WWOX: variants seen among roughly 807,000 people sequenced by gnomAD.
WWOX encodes the protein WW domain-containing oxidoreductase.
A neutral mutation model predicts 46.2 loss-of-function variants in WWOX; 69 were observed. The ratio of observed to expected loss-of-function variants is 1.49; its 90% CI spans 1.23 to 1.82. The LOEUF is 1.82. Among genes scored for constraint, WWOX ranks in the 40% most tolerant of loss-of-function variants. The probability of loss-of-function intolerance (pLI) is 0.00; values close to 1 mark genes in which losing one functional copy is unlikely to be tolerated. For synonymous variants in WWOX, 359 were observed against 202.6 expected, an observed-to-expected ratio of 1.77 and a Z score of -6.56; for missense variants, 919 against 542.6, an observed-to-expected ratio of 1.69 and a Z score of -6.89.
At chr16:78,381,718 CTT>C (rs1227432162) in intron 5 of WWOX, among the ~76,000 whole-genome samples, 4 of 152,092 alleles carry the variant, frequency 2.6e-5, no homozygotes, top group Admixed American at 6.5e-5. Context: ...CTCAGAACCT[CTT>C]TTGGTTAAAC....
chr16:78,718,767 T>C (rs551988078), intron 8 of WWOX, among the ~76,000 whole-genome samples: 1 of 152,246 alleles, frequency 6.6e-6, no homozygotes, highest in Non-Finnish European at 1.5e-5. Context: ...AGTATTCATT[T>C]AGGTGACACA....
intron 5 of WWOX, among the ~76,000 whole-genome samples, chr16:78,239,046 G>T (rs745531995): frequency 6.6e-6 from 1 of 152,150 alleles, no homozygotes; most frequent in Non-Finnish European, 1.5e-5. Flanking sequence ...CTGATTCCAG[G>T]ATGCTCTAAC....
intron 8 of WWOX, among the ~76,000 whole-genome samples, chr16:78,682,452 G>A (rs367800148): frequency 5.3e-5 from 8 of 152,190 alleles, no homozygotes; most frequent in East Asian, 1.9e-4. Context: ...TGGTGGTGGC[G>A]TGTACCTGTA....
At chr16:78,774,659 G>A (rs1438524793) in intron 8 of WWOX, among the ~76,000 whole-genome samples, 1 of 151,814 alleles carries the variant, frequency 6.6e-6, no homozygotes, top group African/African-American at 2.4e-5. Context: ...CAGGCTCCGG[G>A]CAGTTCCTTG....
chr16:78,238,793 A>G (rs960447692), intron 5 of WWOX, among the ~76,000 whole-genome samples: 8 of 151,664 alleles, frequency 5.3e-5, no homozygotes, highest in Middle Eastern at 3.4e-3. Flanking sequence ...CTAATTTTGT[A>G]TTTTTAGTAG....
At chr16:78,996,551 TGTG>T (rs1417491932) in intron 8 of WWOX, among the ~76,000 whole-genome samples, 1 of 152,036 alleles carries the variant, frequency 6.6e-6, no homozygotes, top group Non-Finnish European at 1.5e-5. Context: ...TCCTAACTAA[TGTG>T]GGAGAGAAGA....
At chr16:78,480,215 A>C (rs956732982) in intron 8 of WWOX, among the ~76,000 whole-genome samples, 1 of 152,210 alleles carries the variant, frequency 6.6e-6, no homozygotes, top group Non-Finnish European at 1.5e-5. Flanking sequence ...CAGTAGCCAG[A>C]TGTGGTTATT....
intron 1 of WWOX, among the ~76,000 whole-genome samples, chr16:78,106,779 C>T (rs985259654): frequency 4.6e-5 from 7 of 152,040 alleles, no homozygotes; most frequent in African/African-American, 1.7e-4. Flanking sequence ...AGGAGTTTGT[C>T]CTTGCTACTG....
At chr16:78,906,347 G>A (rs76187751) in intron 8 of WWOX, among the ~76,000 whole-genome samples, 6,448 of 152,234 alleles carry the variant, frequency 0.042, 262 homozygotes, top group Admixed American at 0.092. Context: ...AAGAAAGCCC[G>A]GCTGGAAGTG....
At chr16:78,226,629 C>G (rs1474435386) in intron 5 of WWOX, among the ~76,000 whole-genome samples, 1 of 151,666 alleles carries the variant, frequency 6.6e-6, no homozygotes, top group Non-Finnish European at 1.5e-5. Flanking sequence ...TAGCTCAGGT[C>G]TCACTGCTTT....
Position 78,634,534 on chromosome 16 carries a change from C to T in WWOX, c.1056+201782C>T, listed in dbSNP as rs550023353. Among the ~76,000 whole-genome samples the T allele has an allele frequency of 4.3e-4, 65 of 151,860 alleles. 1 individual carries two copies. Among genetic ancestry groups the T allele is most frequent in the Admixed American group, 2.3e-3 (35 of 15,260 alleles). On this transcript the variant is annotated intron_variant, in intron 8 of 8. Coordinates refer to ENST00000566780, the MANE Select transcript of WWOX (RefSeq NM_016373.4). ...CAGCCTGGCCAACATGGTGAAACCC[C>T]GTCTCTACTAAAAATACAAAAATTA...
At chr16:78,880,111 A>C (rs544146582) in intron 8 of WWOX, among the ~76,000 whole-genome samples, 3 of 152,190 alleles carry the variant, frequency 2.0e-5, no homozygotes, top group Non-Finnish European at 4.4e-5. Context: ...TACATTTGTG[A>C]ATAAGAAAAC....
At chr16:78,814,303 C>G (rs558258303) in intron 8 of WWOX, among the ~76,000 whole-genome samples, 2 of 152,078 alleles carry the variant, frequency 1.3e-5, no homozygotes, top group Non-Finnish European at 2.9e-5. Flanking sequence ...TTTTATCCTC[C>G]TGGTGAAGTA....
intron 8 of WWOX, among the ~76,000 whole-genome samples, chr16:78,833,858 G>A (rs148278670): frequency 4.6e-4 from 70 of 152,354 alleles, no homozygotes; most frequent in Admixed American, 2.0e-3. Flanking sequence ...TGGCTCATGC[G>A]TTTCATGCCT....
intron 8 of WWOX, among the ~76,000 whole-genome samples, chr16:78,990,391 C>G (rs62036057): frequency 1.3e-5 from 2 of 152,062 alleles, no homozygotes; most frequent in East Asian, 1.9e-4. Flanking sequence ...CAACTGTTCT[C>G]TGCACGACCT....
intron 8 of WWOX, chr16:78,898,332 A>G (rs2044748883): frequency 6.6e-6 from 1 of 152,108 alleles, no homozygotes; most frequent in Non-Finnish European, 1.5e-5. Context: ...GTGTGAGGTA[A>G]TGGTAGAGGT....
chr16:79,019,982 C>G (rs1318323579), intron 8 of WWOX, among the ~76,000 whole-genome samples: 3 of 152,224 alleles, frequency 2.0e-5, no homozygotes, highest in Non-Finnish European at 4.4e-5. Flanking sequence ...TCTCACTTCT[C>G]TACTAATCCC....
chr16:79,073,338 C>G (rs914179849), intron 8 of WWOX, among the ~76,000 whole-genome samples: 10 of 152,018 alleles, frequency 6.6e-5, no homozygotes, highest in African/African-American at 2.4e-4. Context: ...CGCCGCCATG[C>G]CCGGCTACTT....
At chr16:79,165,010 T>G (rs765965493) in intron 8 of WWOX, among the ~76,000 whole-genome samples, 1 of 152,164 alleles carries the variant, frequency 6.6e-6, no homozygotes, top group African/African-American at 2.4e-5. Flanking sequence ...CACACCCTTA[T>G]GTATAGACTT....
Sources: gnomAD v4.1 joint callset for allele counts (sites outside exome capture counted in the v4.1 genomes callset) on GRCh38, gnomAD v4.1.1 for gene constraint, MANE v1.5 for transcripts, NCBI Gene and HGNC (gene_info 2026-07-23, HGNC 2026-07-21) for gene names.